The following TENM2 variants were observed in gnomAD, a reference collection of about 807,000 sequenced individuals.
TENM2 encodes teneurin-2.
In TENM2, 52 loss-of-function variants were observed where a neutral mutation model predicts 245.2. The ratio of observed to expected loss-of-function variants is 0.21; its 90% confidence interval spans 0.17 to 0.27. The LOEUF is 0.27. Ranked by LOEUF, TENM2 falls within the 10% of genes least tolerant of loss-of-function variation. TENM2 has a pLI of 1.00. For synonymous variants in TENM2, 1,363 were observed against 1,438.9 expected, an observed-to-expected ratio of 0.95 and a Z score of 1.19; for missense variants, 3,046 against 3,666.8, an observed-to-expected ratio of 0.83 and a Z score of 4.37.
At chr5:167,679,916 G>C (rs887369626) in intron 2 of TENM2, among the ~76,000 whole-genome samples, 3 of 152,102 alleles carry the variant, frequency 2.0e-5, no homozygotes, top group African/African-American at 7.2e-5. Context: ...TTTTAAGTCA[G>C]CTCTTTTCAT....
chr5:168,006,897 A>C (rs1784863568), intron 5 of TENM2, among the ~76,000 whole-genome samples: 1 of 152,190 alleles, frequency 6.6e-6, no homozygotes, highest in African/African-American at 2.4e-5. Flanking sequence ...CTGCAATTTC[A>C]GCTGGGTTCC....
chr5:167,188,031 A>G, the TENM2 span, among the ~76,000 whole-genome samples: 1 of 152,072 alleles, frequency 6.6e-6, no homozygotes, highest in African/African-American at 2.4e-5. Context: ...CTAATCTTCC[A>G]TCTCTGGGAG....
chr5:168,244,012 C>T lies in TENM2; in HGVS notation c.5521-408C>T, dbSNP rs1481350866. 1.3e-5 allele frequency among the ~76,000 whole-genome samples: 2 copies of T among 148,448 alleles called. No homozygotes were observed. Among genetic ancestry groups the T allele is most frequent in the Admixed American group, 1.3e-4 (2 of 14,818 alleles). On this transcript the variant is annotated intron_variant, in intron 25 of 28. Coordinates refer to ENST00000518659, the Ensembl canonical transcript of TENM2. This position sits in a 1 kb window ranked among gnomAD's most constrained non-coding sequence, Gnocchi z 4.9. ...TGGAGTGCATGGCACAATTTCAGCTCACTGCCATCTCCACCTCCCAGGTTC... is the reference window on the plus strand; with the variant it reads ...TGGAGTGCATGGCACAATTTCAGCTTACTGCCATCTCCACCTCCCAGGTTC...
In TENM2 at chr5:167,624,523, C is replaced by T. The variant is rs183670046; in HGVS notation, c.502+249050C>T. Among the ~76,000 whole-genome samples, 73 of 152,192 alleles carry T rather than the reference C, an allele frequency of 4.8e-4. 1 individual carries two copies. In the East Asian group the frequency reaches 7.5e-3, roughly 16 times the overall value. ...CATATCTCAGCATCACACAGTATACCCTTATAACAAACCTGCACACGTACC... is the reference window on the plus strand; with the variant it reads ...CATATCTCAGCATCACACAGTATACTCTTATAACAAACCTGCACACGTACC... On this transcript the variant is annotated intron_variant, in intron 2 of 28. Transcript: ENST00000518659.
intron 2 of TENM2, among the ~76,000 whole-genome samples, chr5:167,467,533 A>G (rs1055420666): frequency 1.3e-4 from 19 of 148,010 alleles, no homozygotes; most frequent in African/African-American, 4.7e-4. Context: ...AAAAAAAAAC[A>G]GTAACCTTGT....
At chr5:167,628,562 C>T (rs1561616243) in intron 2 of TENM2, among the ~76,000 whole-genome samples, 1 of 152,186 alleles carries the variant, frequency 6.6e-6, no homozygotes, top group African/African-American at 2.4e-5. Context: ...CCTTTCTCTC[C>T]TGTCATAGCC....
chr5:167,575,673 CT>C (rs1022053544), intron 2 of TENM2, among the ~76,000 whole-genome samples: 14 of 152,110 alleles, frequency 9.2e-5, no homozygotes, highest in African/African-American at 3.4e-4. Context: ...TGGGAAGCCC[CT>C]GATACAGGTT....
intron 2 of TENM2, among the ~76,000 whole-genome samples, chr5:167,868,244 C>T (rs1030918012): frequency 6.6e-6 from 1 of 152,166 alleles, no homozygotes; most frequent in Non-Finnish European, 1.5e-5. Flanking sequence ...AGTTCCCACA[C>T]ATTGCCAAAT....
chr5:167,470,454 CTTTTTTTTTTTTT>C (rs749016436), intron 2 of TENM2, among the ~76,000 whole-genome samples: 1 of 47,394 alleles, frequency 2.1e-5, no homozygotes, highest in Non-Finnish European at 3.6e-5. Flanking sequence ...GCAATGCTTG[CTTTTTTTTTTTTT>C]TTTTTTTTTG....
chr5:168,191,984 G>A (rs903851), intron 14 of TENM2, among the ~76,000 whole-genome samples: 107,781 of 152,032 alleles, frequency 0.71, 38,630 homozygotes, highest in East Asian at 0.84. Flanking sequence ...CTCTGTTGTC[G>A]TTTTTACTAA....
chr5:167,949,365 T>C (rs1779896091), intron 3 of TENM2, among the ~76,000 whole-genome samples: 1 of 152,198 alleles, frequency 6.6e-6, no homozygotes, highest in African/African-American at 2.4e-5. Flanking sequence ...TTTGATAATA[T>C]TCAGCTTGAG....
the TENM2 span, among the ~76,000 whole-genome samples, chr5:167,097,622 A>G: frequency 6.6e-6 from 1 of 152,234 alleles, no homozygotes; most frequent in African/African-American, 2.4e-5. Context: ...TTAACATCCA[A>G]CATCAATGAA....
At chr5:167,463,184 C>A (rs1302905695) in intron 2 of TENM2, among the ~76,000 whole-genome samples, 3 of 152,026 alleles carry the variant, frequency 2.0e-5, no homozygotes, top group African/African-American at 4.8e-5. Flanking sequence ...AAACAGTGAA[C>A]AATAATTCTG....
intron 27 of TENM2, 28 bp downstream of exon 29, chr5:168,248,399 A>G (rs1453787522): frequency 6.3e-7 from 1 of 1,595,986 alleles, no homozygotes; most frequent in African/African-American, 1.3e-5. Context: ...AAAGGTGGGC[A>G]GTGGCTCCCT....
intron 2 of TENM2, among the ~76,000 whole-genome samples, chr5:167,611,341 C>T (rs1249611854): frequency 6.6e-6 from 1 of 152,008 alleles, no homozygotes; most frequent in Non-Finnish European, 1.5e-5. Context: ...GTGCCCAGTG[C>T]CCACAGGCTC....
the TENM2 span, among the ~76,000 whole-genome samples, chr5:167,174,476 T>C: frequency 6.6e-6 from 1 of 152,194 alleles, no homozygotes; most frequent in Admixed American, 6.5e-5. Flanking sequence ...CAGGAATTAA[T>C]AGAATGAACG....
the TENM2 span, among the ~76,000 whole-genome samples, chr5:167,256,351 A>G: frequency 2.0e-5 from 3 of 152,148 alleles, no homozygotes; most frequent in Non-Finnish European, 4.4e-5. Flanking sequence ...CATGACAAAT[A>G]AAATATATTG....
rs77755246 is a variant in TENM2, at chr5:167,670,623, C to T, written c.503-205363C>T. On this transcript the variant is annotated intron_variant, in intron 2 of 28. Transcript: ENST00000518659. ...TGTTCTTCAGACAGGATGGCACAGA[C>T]GATACTGAGAGTCTTCATTACCTCC... is the stretch of plus-strand genomic sequence containing the variant. 6.3e-3 allele frequency among the ~76,000 whole-genome samples: 955 copies of T among 152,222 alleles called. 5 individuals are homozygous for T. Among genetic ancestry groups the T allele is most frequent in the African/African-American group, 0.02 (820 of 41,532 alleles).
chr5:167,171,003 C>G, the TENM2 span, among the ~76,000 whole-genome samples: 1 of 152,212 alleles, frequency 6.6e-6, no homozygotes, highest in African/African-American at 2.4e-5. Context: ...CTGGCCCATC[C>G]TCTTCCCTTC....
Sources: allele counts gnomAD v4.1 joint callset (sites outside exome capture counted in the v4.1 genomes callset), GRCh38; gene constraint gnomAD v4.1.1; non-coding constraint Gnocchi (gnomAD v3.1); transcripts MANE v1.5; gene names NCBI Gene and HGNC (gene_info 2026-07-23, HGNC 2026-07-21).